The following MAMLD1 variants were observed in gnomAD, a reference collection of about 807,000 sequenced individuals.
The protein encoded by MAMLD1 is mastermind like domain containing 1.
In MAMLD1, 14 loss-of-function variants were observed where a neutral mutation model predicts 45.0. That is an observed-to-expected ratio of 0.31 (90% CI 0.21 to 0.49). The LOEUF is 0.49. MAMLD1 is among the 20% of genes least tolerant of loss of function. MAMLD1 has a pLI of 0.99. For missense variants in MAMLD1, 543 were observed against 603.6 expected (o/e 0.90, Z 1.05); for synonymous variants, 254 against 247.8 (o/e 1.02, Z -0.24).
At chrX:150,384,959 C>T (rs1206140929) in intron 1 of MAMLD1, among the ~76,000 whole-genome samples, 1 of 110,797 alleles carries the variant, frequency 9.0e-6, no homozygotes, top group African/African-American at 3.3e-5. Flanking sequence ...AATCTGCCCT[C>T]TTAGCAAGTT....
chrX:150,481,842 AAAAG>A (rs1246919940), intron 5 of MAMLD1, among the ~76,000 whole-genome samples: 12 of 107,684 alleles, frequency 1.1e-4, no homozygotes, highest in Non-Finnish European at 3.8e-5. Context: ...AAAATAAAAA[AAAAG>A]AAAGAAAGAA....
intron 1 of MAMLD1, chrX:150,421,188 G>A (rs2034497434): frequency 8.7e-6 from 1 of 115,484 alleles, no homozygotes; most frequent in Non-Finnish European, 1.8e-5. Flanking sequence ...AGGTGGGAGT[G>A]ACCCGATTTT....
intron 5 of MAMLD1, among the ~76,000 whole-genome samples, chrX:150,484,787 T>C (rs2036934666): frequency 8.9e-6 from 1 of 112,658 alleles, no homozygotes; most frequent in African/African-American, 3.2e-5. Context: ...CAGAGCTAGA[T>C]TGACATCCAG....
At chrX:150,367,682 T>C (rs1226430931) in intron 1 of MAMLD1, among the ~76,000 whole-genome samples, 2 of 111,519 alleles carry the variant, frequency 1.8e-5, no homozygotes, top group Admixed American at 1.9e-4. Context: ...TAACATTAGG[T>C]ATATCTCCTA....
chrX:150,395,235 A>T (rs1404167935), intron 1 of MAMLD1, among the ~76,000 whole-genome samples: 1 of 111,730 alleles, frequency 9.0e-6, no homozygotes, highest in Admixed American at 9.5e-5. Flanking sequence ...GATGACGTTA[A>T]TTGGTTTTTA....
At chrX:150,511,226 T>A (rs1557409104) in intron 7 of MAMLD1, among the ~76,000 whole-genome samples, 1 of 110,693 alleles carries the variant, frequency 9.0e-6, no homozygotes, top group Non-Finnish European at 1.9e-5. Flanking sequence ...TTGGCCACAG[T>A]AGATATCAGC....
chrX:150,366,135 C>T (rs1158229061), intron 1 of MAMLD1, among the ~76,000 whole-genome samples: 1 of 111,541 alleles, frequency 9.0e-6, no homozygotes, highest in Non-Finnish European at 1.9e-5. Context: ...GTGGGTCTCC[C>T]AAGCGAAGTC....
Position 150,512,325 on chromosome X carries a change from G to A in MAMLD1, c.*366G>A, listed in dbSNP as rs2037924501. The stretch of plus-strand genomic sequence containing the variant: ...CCAGAAGTGCCCCTGCCTGGGTTCT[G>A]TCCCAGCTCCCTGGGCACCCAGTCC... On this transcript the variant is annotated 3_prime_UTR_variant, in exon 8 of 8. Coordinates refer to ENST00000370401, the MANE Select transcript of MAMLD1 (RefSeq NM_005491.5). The A allele has an allele frequency of 8.8e-7, 1 of 1,132,622 alleles. No homozygotes were observed. The highest frequency in any genetic ancestry group is 1.2e-6 in the Non-Finnish European group (1 of 858,962). 93.3% of individuals were successfully genotyped at this position (1,132,622 alleles called of 1,213,427 possible).
intron 1 of MAMLD1, among the ~76,000 whole-genome samples, chrX:150,403,161 G>A (rs2033862537): frequency 9.0e-6 from 1 of 111,680 alleles, no homozygotes; most frequent in South Asian, 3.8e-4. Context: ...ACATCATGGA[G>A]GAATCCCCAA....
intron 6 of MAMLD1, chrX:150,509,698 G>T: frequency 2.7e-6 from 1 of 377,046 alleles, no homozygotes; most frequent in Admixed American, 4.5e-5. Context: ...TTTTTTCTGT[G>T]TGCTCTTGCT....
At position 150,398,341 on chromosome X, in the gene MAMLD1, GA is replaced by G. The variant is rs1569564633; in HGVS notation, c.-64+34812del. On this transcript the variant is annotated intron_variant, in intron 1 of 7. Transcript: ENST00000370401. Reference sequence around the variant, plus strand: ...AGAAGAAGAAGAAGAAGAAGAAGAAGAGGAAGAGGAAGAGGAAGAGGAAGAG... The same window carrying G: ...AGAAGAAGAAGAAGAAGAAGAAGAAGGGAAGAGGAAGAGGAAGAGGAAGAG... Among the ~76,000 whole-genome samples the G allele has an allele frequency of 6.9e-3, 451 of 64,961 alleles. 5 individuals are homozygous for G. The highest frequency in any genetic ancestry group is 0.011 in the Non-Finnish European group (365 of 32,109). 56.4% of individuals were successfully genotyped at this position (64,961 alleles called of 115,157 possible). A position where few individuals can be genotyped will look rare whatever the true frequency, so the allele number is the denominator to read the frequency against.
chrX:150,440,991 TA>T (rs1320825843), intron 1 of MAMLD1, among the ~76,000 whole-genome samples: 4 of 104,918 alleles, frequency 3.8e-5, no homozygotes, highest in African/African-American at 1.0e-4. Context: ...TAATATAATA[TA>T]ATATTTAATA....
intron 2 of MAMLD1, 54 bp downstream of exon 2, chrX:150,445,666 C>T: frequency 1.1e-6 from 1 of 917,769 alleles, no homozygotes. Context: ...TAATCTTAAA[C>T]TTGAACGTAA....
intron 1 of MAMLD1, among the ~76,000 whole-genome samples, chrX:150,387,066 T>G (rs898678702): frequency 1.8e-5 from 2 of 111,911 alleles, no homozygotes; most frequent in African/African-American, 6.5e-5. Flanking sequence ...TATTCCTTAC[T>G]ATAGACATTA....
rs1255672915 is a variant in MAMLD1, at chrX:150,382,908, A to AT, written c.-64+19392dup. On this transcript the variant is annotated intron_variant, in intron 1 of 7. Transcript: ENST00000370401. The stretch of plus-strand genomic sequence containing the variant: ...TTATTTTTTTTTTTTTTTATTTTTT[A>AT]TTTTTTTTTTTTTTGAGACGGAGTC... 3.9e-3 allele frequency among the ~76,000 whole-genome samples: 89 copies of AT among 23,020 alleles called. 12 individuals carry two copies. The highest frequency in any genetic ancestry group is 0.011 in the East Asian group (12 of 1,134). 20.0% of individuals were successfully genotyped at this position (23,020 alleles called of 115,157 possible). A position where few individuals can be genotyped will look rare whatever the true frequency, so the allele number is the denominator to read the frequency against.
intron 1 of MAMLD1, among the ~76,000 whole-genome samples, chrX:150,394,742 G>A (rs1489298846): frequency 9.0e-6 from 1 of 110,977 alleles, no homozygotes; most frequent in African/African-American, 3.3e-5. Context: ...AATTCCACTT[G>A]TTATTGCTGG....
chrX:150,503,179 C>A, intron 5 of MAMLD1, 95 bp from the exon 6 acceptor site: 1 of 787,389 alleles, frequency 1.3e-6, no homozygotes, highest in Non-Finnish European at 2.0e-6. Flanking sequence ...CCACAACACC[C>A]AGATGACCCA....
chrX:150,399,376 C>A (rs1462807188), intron 1 of MAMLD1, among the ~76,000 whole-genome samples: 1 of 112,024 alleles, frequency 8.9e-6, no homozygotes, highest in African/African-American at 3.2e-5. Flanking sequence ...GGATGGTATT[C>A]AACACAAGGA....
intron 1 of MAMLD1, among the ~76,000 whole-genome samples, chrX:150,394,368 A>T: frequency 9.1e-6 from 1 of 109,801 alleles, no homozygotes; most frequent in Middle Eastern, 4.6e-3. Flanking sequence ...TCTTGAGGTC[A>T]GGTAGTGTCA....
Sources: gnomAD v4.1 joint callset for allele counts (sites outside exome capture counted in the v4.1 genomes callset) on GRCh38, gnomAD v4.1.1 for gene constraint, MANE v1.5 for transcripts, NCBI Gene and HGNC (gene_info 2026-07-23, HGNC 2026-07-21) for gene names.